Variants in GRIP1 observed in about 807,000 individuals in gnomAD.
GRIP1 encodes the protein glutamate receptor-interacting protein 1.
Under a neutral mutation model 129.9 loss-of-function variants are expected in GRIP1, and 45 were observed. The observed-to-expected ratio is 0.35, with a 90% CI of 0.27 to 0.44. The LOEUF (loss-of-function observed/expected upper bound fraction) is 0.44, where lower values mean the gene tolerates loss of function less well. GRIP1 is among the 20% of genes least tolerant of loss of function. The pLI is 1.00. For synonymous variants in GRIP1, 530 were observed against 520.8 expected, an observed-to-expected ratio of 1.02 and a Z score of -0.24; for missense variants, 1,196 against 1,396.8, an observed-to-expected ratio of 0.86 and a Z score of 2.29.
At chr12:66,651,339 A>T (rs1592702269) in intron 1 of GRIP1, among the ~76,000 whole-genome samples, 1 of 152,236 alleles carries the variant, frequency 6.6e-6, no homozygotes, top group Non-Finnish European at 1.5e-5. Flanking sequence ...TAGAGCTCAG[A>T]AAAGCCTGAG....
At chr12:66,362,140 ATCTTTT>A (rs1365115162) in intron 23 of GRIP1, among the ~76,000 whole-genome samples, 25 of 117,786 alleles carry the variant, frequency 2.1e-4, no homozygotes, top group African/African-American at 7.7e-4. Context: ...TACCAATTTA[ATCTTTT>A]TTTTTTTTTT....
intron 1 of GRIP1, among the ~76,000 whole-genome samples, chr12:66,981,364 A>C (rs536230071): frequency 6.6e-6 from 1 of 152,330 alleles, no homozygotes; most frequent in East Asian, 1.9e-4. Context: ...ACATTTTTAC[A>C]TCTGTCTCCC....
intron 1 of GRIP1, among the ~76,000 whole-genome samples, chr12:66,717,273 A>G (rs1268659854): frequency 6.6e-6 from 1 of 152,144 alleles, no homozygotes; most frequent in Non-Finnish European, 1.5e-5. Flanking sequence ...AAAAGCCTAT[A>G]TGCCAATTTT....
rs549144616 is a variant in GRIP1, at chr12:66,469,634, T to C, written c.725-4212A>G. On this transcript the variant is annotated intron_variant, in intron 7 of 24. Coordinates refer to ENST00000359742, the MANE Select transcript of GRIP1 (RefSeq NM_001366722.1). ...TATCATAGTAAGGTCCTAATCTAAC[T>C]AACCAGAAAAAAAATGATGAAGAAA... Among the ~76,000 whole-genome samples, 4 of 152,106 alleles carry C rather than the reference T, an allele frequency of 2.6e-5. No homozygotes were observed. In the South Asian group the frequency reaches 8.3e-4, roughly 32 times the overall value.
At chr12:66,957,467 G>C (rs2041859919) in intron 1 of GRIP1, among the ~76,000 whole-genome samples, 2 of 151,068 alleles carry the variant, frequency 1.3e-5, no homozygotes, top group Non-Finnish European at 2.9e-5. Context: ...GTCTCATCCA[G>C]CTTTACACTC....
chr12:66,444,378 C>T (rs1392343620), intron 13 of GRIP1, among the ~76,000 whole-genome samples: 6 of 147,624 alleles, frequency 4.1e-5, no homozygotes, highest in African/African-American at 1.5e-4. Flanking sequence ...CCCAGCTACT[C>T]GGGAGGCTGA....
chr12:66,966,012 C>G (rs1162066399), intron 1 of GRIP1, among the ~76,000 whole-genome samples: 1 of 152,090 alleles, frequency 6.6e-6, no homozygotes, highest in South Asian at 2.1e-4. Flanking sequence ...ATTTGTGACT[C>G]TATGTATTTT....
rs117523069 is a variant in GRIP1, at chr12:67,066,291, A to C, written c.58+2759T>G. On this transcript the variant is annotated intron_variant, in intron 1 of 1. Coordinates refer to the GRIP1 transcript ENST00000643019. ...AAAAGCATGTTCCCTCAATCTTTGAATTGAGATTGGCATGTTTTTCTTCTT... is the reference window on the plus strand; with the variant it reads ...AAAAGCATGTTCCCTCAATCTTTGACTTGAGATTGGCATGTTTTTCTTCTT... Among the ~76,000 whole-genome samples, 14 of 152,300 alleles carry C rather than the reference A, an allele frequency of 9.2e-5. No homozygotes were observed. In the East Asian group the frequency reaches 2.7e-3, roughly 29 times the overall value.
At position 66,410,738 on chromosome 12, in the gene GRIP1, C is replaced by T. The variant is rs530146561; in HGVS notation, c.1839-4310G>A. ...TCAAAAGGCCAAATCTAAGAGTTAT[C>T]GGCCTTAAAGACGAGGTAGAGAGAG... On this transcript the variant is annotated intron_variant, in intron 15 of 24. Coordinates refer to ENST00000359742, the MANE Select transcript of GRIP1 (RefSeq NM_001366722.1). Among the ~76,000 whole-genome samples, 9 of 152,222 alleles carry T rather than the reference C, an allele frequency of 5.9e-5. No homozygotes were observed. The East Asian group carries it at 1.2e-3, about 20-fold the overall frequency.
At chr12:66,944,712 T>C (rs2041638865) in intron 1 of GRIP1, among the ~76,000 whole-genome samples, 1 of 152,152 alleles carries the variant, frequency 6.6e-6, no homozygotes, top group Non-Finnish European at 1.5e-5. Context: ...AGGAAGTCAC[T>C]CAGAGGACTG....
chr12:66,354,884 A>G (rs1168358), intron 23 of GRIP1, among the ~76,000 whole-genome samples: 64,983 of 151,880 alleles, frequency 0.43, 14,336 homozygotes, highest in East Asian at 0.52. Context: ...GACTGGGTCA[A>G]CACTATTCAC....
intron 1 of GRIP1, among the ~76,000 whole-genome samples, chr12:66,985,420 A>G (rs929144253): frequency 6.6e-6 from 1 of 152,190 alleles, no homozygotes; most frequent in Non-Finnish European, 1.5e-5. Context: ...AATAAATTAA[A>G]TAAGTGATAT....
At chr12:66,914,543 T>C (rs2041087877) in intron 1 of GRIP1, among the ~76,000 whole-genome samples, 1 of 152,202 alleles carries the variant, frequency 6.6e-6, no homozygotes, top group Admixed American at 6.5e-5. Context: ...AGTATGTTAG[T>C]TTCAATTCTA....
intron 1 of GRIP1, among the ~76,000 whole-genome samples, chr12:67,066,686 G>T (rs745803548): frequency 2.0e-5 from 3 of 151,768 alleles, no homozygotes; most frequent in East Asian, 1.9e-4. Context: ...ATATTTAAAA[G>T]AATCCAATTC....
chr12:66,780,406 C>T (rs997756016), intron 1 of GRIP1, among the ~76,000 whole-genome samples: 9 of 152,134 alleles, frequency 5.9e-5, no homozygotes, highest in Non-Finnish European at 1.0e-4. Context: ...ACGGCAAGAC[C>T]CAAGGGGCCA....
At chr12:66,904,897 A>T (rs1331865870) in intron 1 of GRIP1, among the ~76,000 whole-genome samples, 1 of 152,006 alleles carries the variant, frequency 6.6e-6, no homozygotes, top group Non-Finnish European at 1.5e-5. Context: ...TCTCAAAAAA[A>T]AAAACAAAAA....
In GRIP1 at chr12:66,379,411, G is replaced by GTATCCTGAGGCCTGAAAACTAGTGCCTA. The variant is rs1397434239; in HGVS notation, c.2465-3_2489dup (p.Asn831ArgfsTer3). ...TCCTCCAGTCATAGGTGTTGAAATT[G>GTATCCTGAGGCCTGAAAACTAGTGCCTA]TATCCTGAGGCCTGAAAACTAGTGC... On this transcript the variant is annotated stop_gained and frameshift_variant, in exon 20 of 25. Transcript: ENST00000359742. LOFTEE classifies it high-confidence loss of function. The GTATCCTGAGGCCTGAAAACTAGTGCCTA allele has an allele frequency of 1.9e-6, 3 of 1,614,030 alleles. No individual in the cohort carries two copies. The highest frequency in any genetic ancestry group is 1.7e-5 in the Admixed American group (1 of 60,006).
chr12:66,419,992 G>A (rs2057748040), intron 15 of GRIP1, among the ~76,000 whole-genome samples: 1 of 152,194 alleles, frequency 6.6e-6, no homozygotes, highest in South Asian at 2.1e-4. Context: ...AGCTACTTGG[G>A]AGGCTGGGGC....
At chr12:67,019,456 C>T (rs982108135) in intron 1 of GRIP1, among the ~76,000 whole-genome samples, 8 of 152,106 alleles carry the variant, frequency 5.3e-5, no homozygotes, top group Non-Finnish European at 1.0e-4. Context: ...GAAGGAAGGG[C>T]AGTATGTTAA....
Sources: gnomAD v4.1 joint callset for allele counts (sites outside exome capture counted in the v4.1 genomes callset) on GRCh38, gnomAD v4.1.1 for gene constraint, MANE v1.5 for transcripts, NCBI Gene and HGNC (gene_info 2026-07-23, HGNC 2026-07-21) for gene names.